PCDHGB3: variants seen among roughly 807,000 people sequenced by gnomAD.
PCDHGB3 encodes protocadherin gamma subfamily B, 3, also known as protocadherin gamma-B3.
PCDHGB3 carries 40 observed loss-of-function variants against 59.2 expected under a neutral mutation model. The ratio of observed to expected loss-of-function variants is 0.68; its 90% CI spans 0.52 to 0.88. The LOEUF is 0.88. Among genes scored for constraint, PCDHGB3 ranks in the 40% least tolerant of loss-of-function variants. The probability of loss-of-function intolerance (pLI) is 0.00; values close to 1 mark genes in which losing one functional copy is unlikely to be tolerated. For synonymous variants in PCDHGB3, 581 were observed against 503.6 expected (o/e 1.15, Z -2.06); for missense variants, 1,309 against 1,187.9 (o/e 1.10, Z -1.50).
intron 1 of PCDHGB3, among the ~76,000 whole-genome samples, chr5:141,467,950 C>T (rs780236016): frequency 2.6e-5 from 4 of 152,290 alleles, no homozygotes; most frequent in Admixed American, 6.5e-5. Context: ...TGAGCCACCA[C>T]ACCCGGCTGC....
chr5:141,454,796 A>ATTTTTTTTTTTTTT lies in PCDHGB3; in HGVS notation c.2416-39995_2416-39982dup, dbSNP rs61612330. ...AAGGAAATAATCCTCCATGGTTCTA[A>ATTTTTTTTTTTTTT]TTTTTTTTTTTTTTTTTTTTTTTTT... On this transcript the variant is annotated intron_variant, in intron 1 of 3. Coordinates refer to ENST00000576222, the MANE Select transcript of PCDHGB3 (RefSeq NM_018924.5). 1.1e-3 allele frequency among the ~76,000 whole-genome samples: 87 copies of ATTTTTTTTTTTTTT among 77,456 alleles called. 11 individuals carry two copies. The highest frequency in any genetic ancestry group is 1.4e-3 in the Admixed American group (8 of 5,554). The allele number at this position is 77,456 out of a possible 152,430, so 50.8% of individuals were successfully genotyped here.
At chr5:141,428,358 G>A in intron 1 of PCDHGB3, 2 of 565,492 alleles carry the variant, frequency 3.5e-6, no homozygotes, top group South Asian at 1.9e-5. Context: ...TGATTTTGGC[G>A]GTCGCCTTGC....
chr5:141,384,763 T>C, intron 1 of PCDHGB3: 1 of 1,613,952 alleles, frequency 6.2e-7, no homozygotes. Context: ...GGTTGGGCTG[T>C]ACACGGGCGA....
At chr5:141,389,508 G>A (rs369319162) in intron 1 of PCDHGB3, 3 of 1,613,090 alleles carry the variant, frequency 1.9e-6, no homozygotes, top group Non-Finnish European at 2.5e-6. Flanking sequence ...AGCGCTCAGC[G>A]CGAACGTGAG....
chr5:141,496,984 G>C (rs938752499), intron 2 of PCDHGB3, among the ~76,000 whole-genome samples: 1 of 151,896 alleles, frequency 6.6e-6, no homozygotes, highest in Admixed American at 6.6e-5. Context: ...TCAGGGGTTT[G>C]AGACCAGCCT....
intron 1 of PCDHGB3, chr5:141,404,674 T>C: frequency 1.9e-6 from 3 of 1,614,176 alleles, no homozygotes; most frequent in East Asian, 2.2e-5. Context: ...GTTCTACTGG[T>C]GTGGAGCTGG....
chr5:141,470,577 C>T (rs75062402), intron 1 of PCDHGB3, among the ~76,000 whole-genome samples: 8,307 of 152,270 alleles, frequency 0.055, 479 homozygotes, highest in African/African-American at 0.15. Flanking sequence ...GCAGGATCAA[C>T]TTCATAGGCA....
At chr5:141,375,326 G>A in intron 1 of PCDHGB3, 2 of 1,613,776 alleles carry the variant, frequency 1.2e-6, no homozygotes, top group Non-Finnish European at 1.7e-6. Flanking sequence ...CCGGGAAGAG[G>A]TATTCTTGTA....
At chr5:141,450,006 C>CTATTTTTTTTT (rs70988802) in intron 1 of PCDHGB3, among the ~76,000 whole-genome samples, 2 of 132,964 alleles carry the variant, frequency 1.5e-5, no homozygotes, top group African/African-American at 2.8e-5. Flanking sequence ...TGCCATGTCT[C>CTATTTTTTTTT]TTTTTTTTTT....
At chr5:141,510,509 C>G (rs146315792) in intron 3 of PCDHGB3, among the ~76,000 whole-genome samples, 13 of 152,204 alleles carry the variant, frequency 8.5e-5, no homozygotes, top group Non-Finnish European at 1.6e-4. Flanking sequence ...ACTGAGAGCC[C>G]GTGTCACAGC....
At chr5:141,439,571 G>T (rs1010967112) in intron 1 of PCDHGB3, among the ~76,000 whole-genome samples, 4 of 152,154 alleles carry the variant, frequency 2.6e-5, no homozygotes, top group Non-Finnish European at 4.4e-5. Flanking sequence ...CTAGAGTAGG[G>T]ACTCAGAGTG....
intron 1 of PCDHGB3, among the ~76,000 whole-genome samples, chr5:141,405,666 C>T (rs752033736): frequency 3.3e-5 from 5 of 152,198 alleles, no homozygotes; most frequent in Admixed American, 6.5e-5. Flanking sequence ...TTAGTAGAGA[C>T]GGGGTGTCAC....
chr5:141,433,742 C>G (rs927651405), intron 1 of PCDHGB3, among the ~76,000 whole-genome samples: 1 of 150,826 alleles, frequency 6.6e-6, no homozygotes, highest in Non-Finnish European at 1.5e-5. Flanking sequence ...GAGGCTGAGT[C>G]AGGAGAATTG....
chr5:141,418,294 C>G, intron 1 of PCDHGB3: 1 of 1,613,988 alleles, frequency 6.2e-7, no homozygotes. Flanking sequence ...TCAGTGAATC[C>G]GTCAGCCTGG....
chr5:141,414,486 AACGG>A, intron 1 of PCDHGB3: 1 of 1,613,938 alleles, frequency 6.2e-7, no homozygotes, highest in Non-Finnish European at 8.5e-7. Flanking sequence ...CTCCTCTATC[AACGG>A]AAGCTCACTT....
At chr5:141,407,505 T>TTTTTTTTTTTTTTTTTTTTTGAG (rs1460306566) in intron 1 of PCDHGB3, among the ~76,000 whole-genome samples, 2 of 152,146 alleles carry the variant, frequency 1.3e-5, no homozygotes, top group African/African-American at 4.8e-5. Context: ...CTGTTTTTCT[T>TTTTTTTTTTTTTTTTTTTTTGAG]AGGCTATGTA....
At chr5:141,375,610 C>T (rs748991083) in intron 1 of PCDHGB3, 1 of 1,614,224 alleles carries the variant, frequency 6.2e-7, no homozygotes, top group South Asian at 1.1e-5. Flanking sequence ...CCATCAACTC[C>T]GACACTGGGA....
At chr5:141,502,552 T>C (rs1217408446) in intron 2 of PCDHGB3, among the ~76,000 whole-genome samples, 1 of 152,146 alleles carries the variant, frequency 6.6e-6, no homozygotes, top group Non-Finnish European at 1.5e-5. Context: ...AAAAACAGTG[T>C]CCCAGATCTC....
rs760617436 is a variant in PCDHGB3 at position 141,410,113 on chromosome 5, A to T, written c.2415+37304A>T. On this transcript the variant is annotated intron_variant, in intron 1 of 3. Transcript: ENST00000576222. The stretch of plus-strand genomic sequence containing the variant: ...CTCGAGCCTTAGGCGACAGGGACGC[A>T]GCCCGCCAGCGCCTGCTGGTCGCTG... 5 of 1,612,436 alleles carry T rather than the reference A, an allele frequency of 3.1e-6. No individual in the cohort carries two copies. The African/African-American group carries it at 6.7e-5, about 22-fold the overall frequency.
Sources: allele counts gnomAD v4.1 joint callset (sites outside exome capture counted in the v4.1 genomes callset), GRCh38; gene constraint gnomAD v4.1.1; transcripts MANE v1.5; gene names NCBI Gene and HGNC (gene_info 2026-07-23, HGNC 2026-07-21).